Variants in FGL1 observed in about 807,000 individuals in gnomAD.
FGL1 encodes the protein fibrinogen-like protein 1.
Under a neutral mutation model 43.7 loss-of-function variants are expected in FGL1, and 59 were observed. That is an observed-to-expected ratio of 1.35 (90% CI 1.10 to 1.68). The LOEUF (loss-of-function observed/expected upper bound fraction) is 1.68. Among genes scored for constraint, FGL1 ranks in the 40% most tolerant of loss-of-function variants. FGL1 has a pLI of 0.00. For missense variants in FGL1, 596 were observed against 373.0 expected, an observed-to-expected ratio of 1.60 and a Z score of -4.92; for synonymous variants, 192 against 126.5, an observed-to-expected ratio of 1.52 and a Z score of -3.48.
intron 2 of FGL1, chr8:17,882,582 T>G (rs2053553324): frequency 6.6e-6 from 1 of 152,134 alleles, no homozygotes; most frequent in Admixed American, 6.6e-5. Context: ...TTATGTGTTT[T>G]CTAAACAGTA....
At chr8:17,887,920 T>C (rs1235983056) in intron 1 of FGL1, among the ~76,000 whole-genome samples, 1 of 152,146 alleles carries the variant, frequency 6.6e-6, no homozygotes, top group Non-Finnish European at 1.5e-5. Context: ...CAACAATTTA[T>C]AAGAACTCTG....
rs61746931 is a variant in FGL1 at position 17,874,498 on chromosome 8, C to T, written c.268G>A (p.Gly90Arg). 1.2e-6 allele frequency: 2 copies of T among 1,607,260 alleles called. No homozygotes were observed. The highest frequency in any genetic ancestry group is 1.3e-5 in the African/African-American group (1 of 74,504). The change falls in exon 4 of 8, where the codon GGG (glycine) becomes AGG (arginine). Residue 90 changes from glycine to arginine, a missense_variant. Gly to Arg is a moderately radical substitution (Grantham distance 125). Coordinates refer to ENST00000427924, the MANE Select transcript of FGL1 (RefSeq NM_004467.4). Reference protein sequence around the residue: ...YADCSEIFNDGYKLSGFYKIK... With the variant: ...YADCSEIFNDRYKLSGFYKIK... Reference sequence around the variant, plus strand: ...TTGTAAAATCCACTGAGCTTATACCCATCATTGAAAATCTCTGAACAATCT... The same window carrying T: ...TTGTAAAATCCACTGAGCTTATACCTATCATTGAAAATCTCTGAACAATCT...
intron 3 of FGL1, among the ~76,000 whole-genome samples, chr8:17,880,237 G>C (rs1349897396): frequency 6.6e-6 from 1 of 152,252 alleles, no homozygotes; most frequent in Non-Finnish European, 1.5e-5. Context: ...GGCCATAAGA[G>C]AAGCAGGAGC....
intron 2 of FGL1, among the ~76,000 whole-genome samples, chr8:17,883,733 T>C (rs932602721): frequency 1.4e-5 from 2 of 147,998 alleles, no homozygotes; most frequent in African/African-American, 4.9e-5. Context: ...CTCCCTCCCA[T>C]CTCTAGGTCC....
intron 7 of FGL1, among the ~76,000 whole-genome samples, chr8:17,864,978 G>A (rs1458487384): frequency 6.6e-6 from 1 of 151,598 alleles, no homozygotes; most frequent in African/African-American, 2.4e-5. Context: ...TAGAGACAGT[G>A]TCTCACTGTG....
chr8:17,874,353 T>C lies in FGL1; in HGVS notation c.404+9A>G, dbSNP rs1269145479. 10 of 1,609,720 alleles carry C rather than the reference T, an allele frequency of 6.2e-6. No homozygotes were observed. The highest frequency in any genetic ancestry group is 7.6e-6 in the Non-Finnish European group (9 of 1,178,164). On this transcript the variant is annotated intron_variant, in intron 4 of 7. Transcript: ENST00000427924. ...CTACATATAAAGTCTTACATCATAA[T>C]TAGCACACCTGTTAAAGTTTTCACT... is the stretch of plus-strand genomic sequence containing the variant.
At chr8:17,871,029 C>G (rs2053351797) in intron 5 of FGL1, among the ~76,000 whole-genome samples, 1 of 151,962 alleles carries the variant, frequency 6.6e-6, no homozygotes, top group Non-Finnish European at 1.5e-5. Flanking sequence ...CTGGATTCCT[C>G]AAGACTGGAG....
chr8:17,878,710 G>A (rs1411488035), intron 3 of FGL1, among the ~76,000 whole-genome samples: 1 of 152,088 alleles, frequency 6.6e-6, no homozygotes, highest in Non-Finnish European at 1.5e-5. Context: ...GTAATTGGGT[G>A]TTTTCTACCA....
intron 2 of FGL1, among the ~76,000 whole-genome samples, chr8:17,883,635 A>G (rs886142979): frequency 2.8e-5 from 4 of 144,658 alleles, no homozygotes; most frequent in African/African-American, 1.0e-4. Context: ...ATTATATCAA[A>G]TACATATGCA....
chr8:17,873,954 T>A, intron 5 of FGL1, 65 bp downstream of exon 5: 1 of 1,254,062 alleles, frequency 8.0e-7, no homozygotes, highest in Non-Finnish European at 1.1e-6. Context: ...ATAATTTGGT[T>A]AAAAAAAAAT....
At position 17,868,919 on chromosome 8, in the gene FGL1, T is replaced by G. The variant is rs1299202021; in HGVS notation, c.588A>C (p.Glu196Asp). The G allele has an allele frequency of 6.3e-7, 1 of 1,593,246 alleles. No homozygotes were observed. The highest frequency in any genetic ancestry group is 1.2e-5 in the South Asian group (1 of 86,190). Residue 196 changes from glutamate to aspartate, a missense_variant, in exon 6 of 8, where the codon GAA (glutamate) becomes GAC (aspartate). By Grantham distance (45) the Glu-to-Asp change is conservative (BLOSUM62 2). Transcript: ENST00000427924. ...ACTTCTTAGAAAATTGTAGTACCTTTTCATCTCCAACTTTGAAATTCTTAT... is the reference window on the plus strand; with the variant it reads ...ACTTCTTAGAAAATTGTAGTACCTTGTCATCTCCAACTTTGAAATTCTTAT... ...AQYKNFKVGD[E>D]KNFYELNIGE...
chr8:17,881,990 C>A lies in FGL1; in HGVS notation c.244+9G>T. The A allele has an allele frequency of 3.7e-6, 6 of 1,610,646 alleles. No individual in the cohort carries two copies. The highest frequency in any genetic ancestry group is 2.5e-6 in the Non-Finnish European group (3 of 1,177,954). On this transcript the variant is annotated intron_variant, in intron 3 of 7. Coordinates refer to ENST00000427924, the MANE Select transcript of FGL1 (RefSeq NM_004467.4). ...GTTATAGAAACACTTAAGAAAAGTC[C>A]ATTCTGACCTGCATACTGCCTCTTG...
chr8:17,895,486 A>G lies in FGL1; in HGVS notation c.-57T>C, dbSNP rs960432422. The G allele has an allele frequency of 1.6e-6, 2 of 1,285,282 alleles. No individual in the cohort carries two copies. The highest frequency in any genetic ancestry group is 2.0e-6 in the Non-Finnish European group (2 of 985,070). The allele number at this position is 1,285,282 out of a possible 1,614,324, so 79.6% of individuals were successfully genotyped here. A position where few individuals can be genotyped will look rare whatever the true frequency, so the allele number is the denominator to read the frequency against. Reference sequence around the variant, plus strand: ...GAGTCAGAGACCCAGCTCAGGTTCCATCCAGACACTCTGCTTCCCAGGATC... The same window carrying G: ...GAGTCAGAGACCCAGCTCAGGTTCCGTCCAGACACTCTGCTTCCCAGGATC... On this transcript the variant is annotated 5_prime_UTR_variant, in exon 1 of 8. It removes an upstream start codon present in the reference 5' UTR. Coordinates refer to ENST00000427924, the MANE Select transcript of FGL1 (RefSeq NM_004467.4).
chr8:17,867,789 T>C (rs567412238), intron 7 of FGL1, among the ~76,000 whole-genome samples: 8 of 152,288 alleles, frequency 5.3e-5, no homozygotes, highest in African/African-American at 1.7e-4. Flanking sequence ...TTAAAACTTA[T>C]GAATTCGGCA....
At chr8:17,894,893 A>G (rs1429396475) in intron 1 of FGL1, among the ~76,000 whole-genome samples, 1 of 143,866 alleles carries the variant, frequency 7.0e-6, no homozygotes, top group African/African-American at 2.8e-5. Context: ...ATACATAATT[A>G]TGTATATATT....
chr8:17,879,857 C>G (rs1000009960), intron 3 of FGL1, among the ~76,000 whole-genome samples: 5 of 152,114 alleles, frequency 3.3e-5, no homozygotes, highest in African/African-American at 1.2e-4. Context: ...ATCTGATTAG[C>G]TGCCCCCTGC....
chr8:17,877,719 A>G (rs2053477271), intron 3 of FGL1, among the ~76,000 whole-genome samples: 1 of 152,210 alleles, frequency 6.6e-6, no homozygotes, highest in Non-Finnish European at 1.5e-5. Flanking sequence ...TAATCACATC[A>G]TGGAAAATGA....
At chr8:17,877,703 G>A (rs1215009320) in intron 3 of FGL1, among the ~76,000 whole-genome samples, 1 of 152,066 alleles carries the variant, frequency 6.6e-6, no homozygotes, top group African/African-American at 2.4e-5. Flanking sequence ...GGCATGCAAT[G>A]CATAATAATC....
At chr8:17,869,147 T>C (rs1490458961) in intron 5 of FGL1, 143 bp from the exon 6 acceptor site, 1 of 531,812 alleles carries the variant, frequency 1.9e-6, no homozygotes, top group Non-Finnish European at 3.4e-6. Context: ...AAACAGTGAC[T>C]CCTTTGTATA....
Sources: allele counts gnomAD v4.1 joint callset (sites outside exome capture counted in the v4.1 genomes callset), GRCh38; gene constraint gnomAD v4.1.1; transcripts MANE v1.5; gene names NCBI Gene and HGNC (gene_info 2026-07-23, HGNC 2026-07-21).